Variants in DPP4 observed in about 807,000 individuals in gnomAD.
The protein encoded by DPP4 is dipeptidyl peptidase 4, also known as ADCP-2.
A neutral mutation model predicts 122.4 loss-of-function variants in DPP4; 93 were observed. The observed-to-expected ratio is 0.76, with a 90% confidence interval of 0.64 to 0.90. The LOEUF (loss-of-function observed/expected upper bound fraction) is 0.90, where lower values mean the gene tolerates loss of function less well. Ranked by LOEUF, DPP4 falls within the 40% of genes least tolerant of loss-of-function variation. The pLI is 0.00. For synonymous variants in DPP4, 321 were observed against 302.9 expected, an observed-to-expected ratio of 1.06 and a Z score of -0.62; for missense variants, 914 against 907.3, an observed-to-expected ratio of 1.01 and a Z score of -0.09.
At position 162,070,268 on chromosome 2, in the gene DPP4, A is replaced by C. The variant is rs773785218; in HGVS notation, c.94+3131T>G. Among the ~76,000 whole-genome samples the C allele has an allele frequency of 2.3e-4, 35 of 152,286 alleles. No homozygotes were observed. The Middle Eastern group carries it at 0.01, about 44-fold the overall frequency. ...TGGTGAAATGAATAATATGACTTCAAGGAGTTTTTATTCTTAAATATATGA... is the reference window on the plus strand; with the variant it reads ...TGGTGAAATGAATAATATGACTTCACGGAGTTTTTATTCTTAAATATATGA... On this transcript the variant is annotated intron_variant, in intron 2 of 25. Transcript: ENST00000360534.
At chr2:162,016,941 A>G in intron 17 of DPP4, 75 bp from the exon 18 acceptor site, 1 of 1,471,394 alleles carries the variant, frequency 6.8e-7, no homozygotes, top group Non-Finnish European at 9.4e-7. Context: ...ATAATGAGCA[A>G]ACATGAAATT....
At chr2:162,056,018 G>A (rs1388279936) in intron 2 of DPP4, among the ~76,000 whole-genome samples, 1 of 152,100 alleles carries the variant, frequency 6.6e-6, no homozygotes, top group Non-Finnish European at 1.5e-5. Context: ...GCTCTTCCTG[G>A]AATGTTCTTC....
chr2:162,072,390 G>T (rs779508427), intron 2 of DPP4, among the ~76,000 whole-genome samples: 1 of 152,176 alleles, frequency 6.6e-6, no homozygotes, highest in Non-Finnish European at 1.5e-5. Flanking sequence ...TTAGCAGTAG[G>T]TCAACCCATT....
At chr2:162,068,507 CTTGTGTAGTGCCCT>C (rs1685019556) in intron 2 of DPP4, among the ~76,000 whole-genome samples, 1 of 152,180 alleles carries the variant, frequency 6.6e-6, no homozygotes. Context: ...TATTTACACA[CTTGTGTAGTGCCCT>C]CCCACATTGT....
chr2:162,072,671 CACTT>C (rs1451263191), intron 2 of DPP4, among the ~76,000 whole-genome samples: 10 of 152,298 alleles, frequency 6.6e-5, no homozygotes, highest in African/African-American at 1.7e-4. Flanking sequence ...TAGTAGTTCT[CACTT>C]GCTTGCATCC....
rs2106089772 is a variant in DPP4 at position 162,011,781 on chromosome 2, C to T, written c.1832+12G>A. Reference sequence around the variant, plus strand: ...ATCAGATGACCTTTGACTTCATCTCCTAGTCACTCACCTGGCTGCTTCAAT... The same window carrying T: ...ATCAGATGACCTTTGACTTCATCTCTTAGTCACTCACCTGGCTGCTTCAAT... On this transcript the variant is annotated intron_variant, in intron 20 of 25. Coordinates refer to ENST00000360534, the MANE Select transcript of DPP4 (RefSeq NM_001935.4). 1.2e-6 allele frequency: 2 copies of T among 1,612,134 alleles called. No homozygotes were observed. Among genetic ancestry groups the T allele is most frequent in the African/African-American group, 1.3e-5 (1 of 74,938 alleles).
intron 3 of DPP4, 44 bp from the exon 4 acceptor site, chr2:162,047,050 A>C: frequency 1.9e-6 from 2 of 1,057,482 alleles, no homozygotes; most frequent in Non-Finnish European, 2.9e-6. Context: ...AGTTGTTATT[A>C]AACATCTTCA....
At chr2:162,073,872 AGGGGAGTCCCT>A (rs1370416540) in intron 1 of DPP4, 93 bp downstream of exon 1, 2 of 1,496,390 alleles carry the variant, frequency 1.3e-6, no homozygotes, top group Non-Finnish European at 1.8e-6. Context: ...CTTCCGCCTA[AGGGGAGTCCCT>A]GGTCCGGTTT....
chr2:162,000,674 A>G (rs1256147680), intron 23 of DPP4, among the ~76,000 whole-genome samples: 1 of 152,246 alleles, frequency 6.6e-6, no homozygotes, highest in East Asian at 1.9e-4. Flanking sequence ...TGCCAAATCT[A>G]TGACTGTTTC....
intron 20 of DPP4, among the ~76,000 whole-genome samples, chr2:162,010,085 A>T (rs1682631120): frequency 1.3e-5 from 2 of 152,142 alleles, no homozygotes; most frequent in African/African-American, 4.8e-5. Context: ...TTGTGTTTTC[A>T]TGTAATATGT....
intron 23 of DPP4, among the ~76,000 whole-genome samples, chr2:162,004,034 A>G (rs1313917201): frequency 6.6e-6 from 1 of 152,120 alleles, no homozygotes; most frequent in African/African-American, 2.4e-5. Context: ...GGGAAATGAC[A>G]TTCCACGTGG....
chr2:162,052,982 A>T (rs1215378550), intron 2 of DPP4, among the ~76,000 whole-genome samples: 1 of 152,212 alleles, frequency 6.6e-6, no homozygotes, highest in East Asian at 1.9e-4. Flanking sequence ...AAACAAGGAT[A>T]TCCGGCAGAA....
chr2:162,020,106 A>T, intron 14 of DPP4, 123 bp downstream of exon 14: 1 of 789,118 alleles, frequency 1.3e-6, no homozygotes, highest in Admixed American at 2.7e-5. Flanking sequence ...AAAGAAAAAA[A>T]GTATTGAACA....
At chr2:162,061,752 T>C (rs1360504372) in intron 2 of DPP4, among the ~76,000 whole-genome samples, 1 of 152,232 alleles carries the variant, frequency 6.6e-6, no homozygotes, top group Non-Finnish European at 1.5e-5. Flanking sequence ...ACTTAGCACT[T>C]ACTGTGTTAT....
At chr2:162,038,903 A>G (rs757608303) in intron 7 of DPP4, 46 bp downstream of exon 7, 1 of 1,573,734 alleles carries the variant, frequency 6.4e-7, no homozygotes, top group South Asian at 1.1e-5. Context: ...CTGCCTATGA[A>G]AAATTTGAGC....
Position 162,046,900 on chromosome 2 carries a change from C to A in DPP4, c.285+15G>T, listed in dbSNP as rs138191868. 1 of 1,496,198 alleles carries A rather than the reference C, an allele frequency of 6.7e-7. No individual in the cohort carries two copies. The allele number at this position is 1,496,198 out of a possible 1,614,324, so 92.7% of individuals were successfully genotyped here. A position where few individuals can be genotyped will look rare whatever the true frequency, so the allele number is the denominator to read the frequency against. On this transcript the variant is annotated intron_variant, in intron 4 of 25. Transcript: ENST00000360534. ...CAGAATTCTATGCATGAATTAATTA[C>A]GTGATTAAACATACAAATGTACTGT...
chr2:161,996,395 T>G (rs1487472300), intron 23 of DPP4, among the ~76,000 whole-genome samples: 1 of 152,192 alleles, frequency 6.6e-6, no homozygotes, highest in Non-Finnish European at 1.5e-5. Flanking sequence ...TGAATCAAAT[T>G]CAACTTTATG....
At chr2:162,031,701 G>A (rs1454637979) in intron 10 of DPP4, among the ~76,000 whole-genome samples, 1 of 152,096 alleles carries the variant, frequency 6.6e-6, no homozygotes, top group East Asian at 1.9e-4. Context: ...AAAACCCCAT[G>A]TTCTCCTCCT....
chr2:162,014,340 A>G, intron 19 of DPP4, 56 bp downstream of exon 19: 1 of 1,453,402 alleles, frequency 6.9e-7, no homozygotes, highest in Non-Finnish European at 9.6e-7. Flanking sequence ...AGCTGCACTG[A>G]GAAAAATATA....
Sources: gnomAD v4.1 joint callset for allele counts (sites outside exome capture counted in the v4.1 genomes callset) on GRCh38, gnomAD v4.1.1 for gene constraint, MANE v1.5 for transcripts, NCBI Gene and HGNC (gene_info 2026-07-23, HGNC 2026-07-21) for gene names.